ANXA11: variants seen among roughly 807,000 people sequenced by gnomAD.
The protein encoded by ANXA11 is 56 kDa autoantigen.
ANXA11 carries 57 observed loss-of-function variants against 64.7 expected under a neutral mutation model. The ratio of observed to expected loss-of-function variants is 0.88; its 90% CI spans 0.71 to 1.10. ANXA11 has a LOEUF of 1.10. Among genes scored for constraint, ANXA11 ranks in the 50% least tolerant of loss-of-function variants. ANXA11 has a pLI of 0.00. For missense variants in ANXA11, 675 were observed against 670.7 expected (o/e 1.01, Z -0.07); for synonymous variants, 260 against 265.2 (o/e 0.98, Z 0.19).
intron 2 of ANXA11, among the ~76,000 whole-genome samples, chr10:80,175,747 A>G (rs1053876244): frequency 6.6e-6 from 1 of 152,168 alleles, no homozygotes; most frequent in Non-Finnish European, 1.5e-5. Context: ...GTGCTGAGGA[A>G]ATCACCAATT....
At chr10:80,167,049 C>T (rs1237027715) in intron 6 of ANXA11, 65 bp from the exon 7 acceptor site, 14 of 1,397,774 alleles carry the variant, frequency 1.0e-5, no homozygotes, top group South Asian at 1.2e-5. Flanking sequence ...GCTGAGACTT[C>T]CCTGGCCTGG....
intron 1 of ANXA11, among the ~76,000 whole-genome samples, chr10:80,195,023 C>T (rs919446241): frequency 2.0e-5 from 3 of 152,250 alleles, no homozygotes; most frequent in East Asian, 1.9e-4. Context: ...GGCACAGACC[C>T]GTCTCTCACC....
rs1845334868 is a variant in ANXA11, at chr10:80,157,776, C to T, written c.1336-13G>A. On this transcript the variant is annotated splice_polypyrimidine_tract_variant and intron_variant, in intron 14 of 15. Coordinates refer to ENST00000422982, the MANE Select transcript of ANXA11 (RefSeq NM_145868.2). ...TTGTTCCTGCCCCCTAAAGAGAGTC[C>T]ACCCAAGAGCATGAGCACCAGGCCT... The T allele has an allele frequency of 6.2e-7, 1 of 1,609,010 alleles. No individual in the cohort carries two copies. The highest frequency in any genetic ancestry group is 1.1e-5 in the South Asian group (1 of 90,570).
chr10:80,158,393 C>T (rs78805215), intron 13 of ANXA11, among the ~76,000 whole-genome samples: 2 of 152,064 alleles, frequency 1.3e-5, no homozygotes, highest in African/African-American at 2.4e-5. Context: ...AGGCCATGAC[C>T]GTCATGGAGA....
chr10:80,171,195 A>G, intron 3 of ANXA11: 1 of 1,288,708 alleles, frequency 7.8e-7, no homozygotes. Flanking sequence ...GGGAGAGCCC[A>G]GGCAGGCTCT....
chr10:80,163,955 G>A (rs1845623800), intron 9 of ANXA11, 98 bp downstream of exon 9: 1 of 1,034,938 alleles, frequency 9.7e-7, no homozygotes, highest in African/African-American at 1.6e-5. Flanking sequence ...AGAAGGCCAG[G>A]AAGGAGTAAA....
intron 1 of ANXA11, among the ~76,000 whole-genome samples, chr10:80,181,612 T>TA (rs1214786814): frequency 2.6e-5 from 4 of 152,088 alleles, no homozygotes; most frequent in Non-Finnish European, 5.9e-5. Context: ...AAGAAAACCT[T>TA]ACGATTTAAA....
chr10:80,165,718 C>G (rs1033962277), intron 8 of ANXA11, among the ~76,000 whole-genome samples: 2 of 152,140 alleles, frequency 1.3e-5, no homozygotes, highest in African/African-American at 2.4e-5. Context: ...TTGCTAGTAA[C>G]AGAGTCCTAA....
intron 1 of ANXA11, among the ~76,000 whole-genome samples, chr10:80,180,342 T>G (rs1244082228): frequency 6.6e-6 from 1 of 152,168 alleles, no homozygotes. Context: ...CTGCCTGACT[T>G]CAGGGATACA....
chr10:80,170,982 A>C, intron 3 of ANXA11, 67 bp from the exon 4 acceptor site: 1 of 1,531,674 alleles, frequency 6.5e-7, no homozygotes. Flanking sequence ...GGCAGAGATG[A>C]GAGCTCCCAG....
intron 3 of ANXA11, 94 bp from the exon 4 acceptor site, chr10:80,171,009 G>T: frequency 6.6e-7 from 1 of 1,513,636 alleles, no homozygotes; most frequent in Non-Finnish European, 8.8e-7. Flanking sequence ...AGAAAGGGAG[G>T]CCCAGTAAAG....
At chr10:80,188,473 A>G (rs1268619283) in intron 1 of ANXA11, among the ~76,000 whole-genome samples, 1 of 129,862 alleles carries the variant, frequency 7.7e-6, no homozygotes, top group Non-Finnish European at 1.6e-5. Flanking sequence ...AGAATGTAGT[A>G]TTCTCACATA....
chr10:80,191,621 G>T (rs1229184345), intron 1 of ANXA11, among the ~76,000 whole-genome samples: 3 of 152,110 alleles, frequency 2.0e-5, no homozygotes, highest in African/African-American at 7.2e-5. Flanking sequence ...GGCACAAGGA[G>T]GAACCAGGTG....
At chr10:80,170,015 A>ACCCACCTT (rs1845910030) in intron 4 of ANXA11, among the ~76,000 whole-genome samples, 1 of 151,958 alleles carries the variant, frequency 6.6e-6, no homozygotes, top group African/African-American at 2.4e-5. Context: ...TTTCAGCCAG[A>ACCCACCTT]CCCACCTTAC....
In ANXA11 at chr10:80,166,994, G is replaced by C. The variant is rs34332933; in HGVS notation, c.650-10C>G. 213,215 of 1,582,460 alleles carry C rather than the reference G, an allele frequency of 0.13. 15,744 individuals are homozygous for C. The highest frequency in any genetic ancestry group is 0.24 in the Admixed American group (13,357 of 56,276). ...GCCTGCTCATCCGTCCCTGGAGGAA[G>C]AGGCAGCAGGGGTGGGTCGGGTAGG... On this transcript the variant is annotated splice_polypyrimidine_tract_variant and intron_variant, in intron 6 of 15. Transcript: ENST00000422982.
At chr10:80,195,251 A>G (rs1163160380) in intron 1 of ANXA11, among the ~76,000 whole-genome samples, 1 of 152,208 alleles carries the variant, frequency 6.6e-6, no homozygotes, top group Non-Finnish European at 1.5e-5. Flanking sequence ...AAGCCTCAGG[A>G]AACCTTTCCA....
At chr10:80,173,991 T>C (rs1054678394) in intron 2 of ANXA11, among the ~76,000 whole-genome samples, 3 of 152,240 alleles carry the variant, frequency 2.0e-5, no homozygotes, top group African/African-American at 7.2e-5. Flanking sequence ...ACCACTGTTC[T>C]AGCCACGCTA....
intron 11 of ANXA11, among the ~76,000 whole-genome samples, chr10:80,162,931 G>A (rs113951460): frequency 0.012 from 1,803 of 152,208 alleles, 40 homozygotes; most frequent in African/African-American, 0.041. Context: ...GAGGGACAAC[G>A]ACAGAATTCT....
chr10:80,163,975 G>A, intron 9 of ANXA11, 78 bp downstream of exon 9: 2 of 1,254,542 alleles, frequency 1.6e-6, no homozygotes, highest in South Asian at 1.3e-5. Flanking sequence ...AAGGCCCTAG[G>A]AGAGAATGAG....
Sources: gnomAD v4.1 joint callset for allele counts (sites outside exome capture counted in the v4.1 genomes callset) on GRCh38, gnomAD v4.1.1 for gene constraint, MANE v1.5 for transcripts, NCBI Gene and HGNC (gene_info 2026-07-23, HGNC 2026-07-21) for gene names.